The following MYO18B variants were observed in gnomAD, a reference collection of about 807,000 sequenced individuals.
MYO18B encodes the protein myosin XVIIIB, also known as unconventional myosin-XVIIIb.
Under a neutral mutation model 273.0 loss-of-function variants are expected in MYO18B, and 204 were observed. The ratio of observed to expected loss-of-function variants is 0.75; its 90% CI spans 0.67 to 0.84. The LOEUF (loss-of-function observed/expected upper bound fraction) is 0.84. MYO18B is among the 40% of genes least tolerant of loss of function. The pLI, the probability that MYO18B is intolerant of heterozygous loss-of-function variation, is 0.00. For synonymous variants in MYO18B, 1,330 were observed against 1,305.7 expected, an observed-to-expected ratio of 1.02 and a Z score of -0.40; for missense variants, 3,212 against 3,287.6, an observed-to-expected ratio of 0.98 and a Z score of 0.56.
Position 25,908,351 on chromosome 22 carries a change from G to A in MYO18B, c.5178G>A (p.Glu1726=). The A allele has an allele frequency of 1.3e-6, 2 of 1,597,896 alleles. No individual in the cohort carries two copies. Among genetic ancestry groups the A allele is most frequent in the Non-Finnish European group, 1.7e-6 (2 of 1,172,502 alleles). ...QLRQRFELEI[E]RMKQMHQKDR... ...GCCAGCGGTTTGAGCTGGAGATCGA[G>A]CGGATGAAGCAGATGCACCAGAAGG... is the stretch of plus-strand genomic sequence containing the variant. The change falls in exon 32 of 44, where the codon GAG becomes GAA. Residue 1726 remains glutamate (E), a synonymous_variant. Coordinates refer to ENST00000335473, the MANE Select transcript of MYO18B (RefSeq NM_032608.7).
intron 42 of MYO18B, among the ~76,000 whole-genome samples, chr22:26,024,706 G>C (rs1436808386): frequency 6.6e-6 from 1 of 152,170 alleles, no homozygotes; most frequent in Non-Finnish European, 1.5e-5. Flanking sequence ...ATCTCACACA[G>C]GCCCCCAGCC....
At chr22:25,812,089 ACT>A (rs71702662) in intron 12 of MYO18B, among the ~76,000 whole-genome samples, 10,032 of 151,908 alleles carry the variant, frequency 0.066, 576 homozygotes, top group East Asian at 0.21. Context: ...ACAAAGCTGG[ACT>A]CTCTGTCTGC....
In MYO18B at chr22:25,770,974, A is replaced by C; in HGVS notation, c.1682A>C (p.His561Pro). ...DKTITEVDEE[H>P]VHRANPPELD... ...ACCATCACTGAGGTGGATGAGGAGCATGTCCATCGGGTGAGTCCCCTGTCC... is the reference window on the plus strand; with the variant it reads ...ACCATCACTGAGGTGGATGAGGAGCCTGTCCATCGGGTGAGTCCCCTGTCC... The change falls in exon 6 of 44, where the codon CAT (histidine) becomes CCT (proline). Residue 561 changes from histidine (H) to proline (P), a missense_variant. Physicochemically the swap from His to Pro is moderately conservative, Grantham distance 77. Transcript: ENST00000335473. The C allele has an allele frequency of 6.4e-7, 1 of 1,552,046 alleles. No homozygotes were observed. Among genetic ancestry groups the C allele is most frequent in the Non-Finnish European group, 8.7e-7 (1 of 1,147,030 alleles).
At chr22:26,047,537 G>C in the MYO18B span, among the ~76,000 whole-genome samples, 2 of 152,038 alleles carry the variant, frequency 1.3e-5, no homozygotes, top group South Asian at 4.2e-4. Context: ...CAATATAACC[G>C]GTTACCACCA....
At chr22:25,769,683 T>C (rs2086645750) in intron 4 of MYO18B, among the ~76,000 whole-genome samples, 1 of 152,160 alleles carries the variant, frequency 6.6e-6, no homozygotes, top group African/African-American at 2.4e-5. Context: ...GTCCCCAAAG[T>C]GTGAGGTGTC....
chr22:25,904,020 G>A (rs1601531802), intron 31 of MYO18B, among the ~76,000 whole-genome samples, 189 bp downstream of exon 31: 1 of 152,258 alleles, frequency 6.6e-6, no homozygotes, highest in Non-Finnish European at 1.5e-5. Context: ...TCCCCTGCAA[G>A]GTTCAGTGTC....
intron 7 of MYO18B, among the ~76,000 whole-genome samples, chr22:25,773,228 C>T (rs1012780393): frequency 3.9e-5 from 6 of 152,138 alleles, no homozygotes; most frequent in African/African-American, 9.7e-5. Flanking sequence ...GGTCTCCTAC[C>T]GGGCCACGCA....
chr22:25,890,957 G>C, intron 26 of MYO18B, 82 bp downstream of exon 26: 1 of 1,528,094 alleles, frequency 6.5e-7, no homozygotes, highest in South Asian at 1.2e-5. Flanking sequence ...TCTCATTGGA[G>C]ATCAGTAAGC....
At chr22:25,898,105 T>C in intron 28 of MYO18B, 1 of 562,458 alleles carries the variant, frequency 1.8e-6, no homozygotes, top group Non-Finnish European at 3.1e-6. Flanking sequence ...TTATCCCCAC[T>C]TTACCTCTGA....
At chr22:25,769,960 C>A in intron 4 of MYO18B, 150 bp from the exon 5 acceptor site, 1 of 780,348 alleles carries the variant, frequency 1.3e-6, no homozygotes, top group Non-Finnish European at 2.2e-6. Context: ...CGGGAATCTG[C>A]ATTTAAATAA....
At chr22:26,057,540 T>G in the MYO18B span, among the ~76,000 whole-genome samples, 28 of 150,362 alleles carry the variant, frequency 1.9e-4, no homozygotes, top group African/African-American at 6.9e-4. Flanking sequence ...TTTTTTTTTT[T>G]GGATTTAGCT....
rs1307280302 is a variant in MYO18B, at chr22:25,847,628, G to A, written c.3751G>A (p.Glu1251Lys). Reference sequence around the variant, plus strand: ...CCAGCTTGCTGGGTTCCACATCCTGGAGGCTCTGCGTCTGCATAGGACAGG... The same window carrying A: ...CCAGCTTGCTGGGTTCCACATCCTGAAGGCTCTGCGTCTGCATAGGACAGG... Reference protein sequence around the residue: ...RVQLAGFHILEALRLHRTGYA... With the variant: ...RVQLAGFHILKALRLHRTGYA... The change falls in exon 20 of 44, where the codon GAG (glutamate) becomes AAG (lysine). Residue 1251 changes from glutamate to lysine, a missense_variant. Physicochemically the swap from Glu to Lys is moderately conservative, Grantham distance 56. Transcript: ENST00000335473. The A allele has an allele frequency of 3.8e-6, 6 of 1,560,012 alleles. No individual in the cohort carries two copies. Among genetic ancestry groups the A allele is most frequent in the South Asian group, 1.2e-5 (1 of 84,464 alleles).
rs530372478 is a variant in MYO18B at position 25,868,337 on chromosome 22, G to A, written c.3903G>A (p.Leu1301=). The change falls in exon 22 of 44, where the codon CTG becomes CTA. Residue 1301 remains leucine, a synonymous_variant. Transcript: ENST00000335473. ...IDERKAVEEL[L]ETLDLEKKAV... ...TTCCCCAGGCCGTGGAGGAGCTCCT[G>A]GAGACCCTGGATCTGGAAAAGAAGG... The A allele has an allele frequency of 6.9e-6, 11 of 1,603,710 alleles. No homozygotes were observed. The highest frequency in any genetic ancestry group is 1.3e-5 in the African/African-American group (1 of 74,916).
intron 1 of MYO18B, among the ~76,000 whole-genome samples, chr22:25,752,336 C>T (rs1295079272): frequency 1.3e-5 from 2 of 150,810 alleles, no homozygotes; most frequent in East Asian, 1.9e-4. Flanking sequence ...TACAGGCGCC[C>T]GCCACTACGC....
intron 3 of MYO18B, among the ~76,000 whole-genome samples, chr22:25,767,505 G>A (rs1262737655): frequency 6.6e-6 from 1 of 152,230 alleles, no homozygotes; most frequent in Non-Finnish European, 1.5e-5. Flanking sequence ...GTATCTGCCT[G>A]TACTGGGGAA....
intron 1 of MYO18B, among the ~76,000 whole-genome samples, chr22:25,752,592 C>A (rs1329533426): frequency 2.0e-5 from 3 of 152,200 alleles, no homozygotes; most frequent in Non-Finnish European, 2.9e-5. Flanking sequence ...CTCAAGTGAT[C>A]CTTCTGCCTC....
chr22:25,941,575 G>A (rs1313831286), intron 34 of MYO18B, among the ~76,000 whole-genome samples: 4 of 152,324 alleles, frequency 2.6e-5, no homozygotes, highest in Non-Finnish European at 4.4e-5. Context: ...AACAGCCTCC[G>A]TATGGAAATA....
the MYO18B span, among the ~76,000 whole-genome samples, chr22:26,056,688 CT>C: frequency 6.6e-6 from 1 of 152,218 alleles, no homozygotes; most frequent in Non-Finnish European, 1.5e-5. Flanking sequence ...CAATTCCTGT[CT>C]TGCCCGACCC....
chr22:25,778,407 A>G (rs1012681314), intron 8 of MYO18B, among the ~76,000 whole-genome samples: 5 of 152,160 alleles, frequency 3.3e-5, no homozygotes, highest in East Asian at 1.9e-4. Flanking sequence ...AACAACTACA[A>G]TATTAATAAC....
Sources: allele counts gnomAD v4.1 joint callset (sites outside exome capture counted in the v4.1 genomes callset), GRCh38; gene constraint gnomAD v4.1.1; transcripts MANE v1.5; gene names NCBI Gene and HGNC (gene_info 2026-07-23, HGNC 2026-07-21).